The following LIME1 variants were observed in gnomAD, a reference collection of about 807,000 sequenced individuals.
LIME1 encodes lck-interacting transmembrane adapter 1.
A neutral mutation model predicts 18.8 loss-of-function variants in LIME1; 23 were observed. That is an observed-to-expected ratio of 1.22 (90% confidence interval 0.88 to 1.73). The LOEUF (loss-of-function observed/expected upper bound fraction) is 1.73. Ranked by LOEUF, LIME1 falls within the 40% of genes most tolerant of loss-of-function variation. The pLI is 0.00. For missense variants in LIME1, 423 were observed against 396.8 expected (o/e 1.07, Z -0.56); for synonymous variants, 177 against 182.3 (o/e 0.97, Z 0.23).
rs781401062 is a variant in LIME1 at position 63,737,891 on chromosome 20, G to A, written c.169G>A (p.Ala57Thr). 14 of 1,580,330 alleles carry A rather than the reference G, an allele frequency of 8.9e-6. No individual in the cohort carries two copies. Among genetic ancestry groups the A allele is most frequent in the Middle Eastern group, 1.8e-4 (1 of 5,482 alleles). Reference protein sequence around the residue: ...QRARLQGSATAAEASLLRRTH... With the variant: ...QRARLQGSATTAEASLLRRTH... ...GGCGAGGCTGCAGGGCAGTGCGACG[G>A]CGGCGGAAGCGGTGAGTGCCAGGCT... Residue 57 changes from alanine (A) to threonine (T), a missense_variant, in exon 3 of 6, where the codon GCG becomes ACG. Transcript: ENST00000309546.
At chr20:63,737,727 A>T in intron 2 of LIME1, 80 bp downstream of exon 2, 1 of 1,428,574 alleles carries the variant, frequency 7.0e-7, no homozygotes, top group Non-Finnish European at 9.2e-7. Flanking sequence ...GGCTGGAGGC[A>T]GGTCCGCGCA....
In LIME1 at chr20:63,737,811, T is replaced by G; in HGVS notation, c.99-10T>G. 2 of 1,007,368 alleles carry G rather than the reference T, an allele frequency of 2.0e-6. No individual in the cohort carries two copies. The highest frequency in any genetic ancestry group is 2.8e-6 in the Non-Finnish European group (2 of 726,732). The allele number at this position is 1,007,368 out of a possible 1,614,324, so 62.4% of individuals were successfully genotyped here. A position where few individuals can be genotyped will look rare whatever the true frequency, so the allele number is the denominator to read the frequency against. ...GACCCCGCCCCCCGCCCCCCACCTC[T>G]ACCCCCAAGGCCCGAGGACGCTGTA... On this transcript the variant is annotated splice_polypyrimidine_tract_variant and intron_variant, in intron 2 of 5. Coordinates refer to ENST00000309546, the MANE Select transcript of LIME1 (RefSeq NM_017806.4).
upstream of LIME1, chr20:63,736,022 T>C (rs552344301): frequency 1.3e-6 from 2 of 1,490,228 alleles, no homozygotes; most frequent in East Asian, 4.7e-5. Context: ...GCCTGGGGCG[T>C]GCAGACACTG....
Position 63,736,726 on chromosome 20 carries a change from T to C in LIME1, c.-18+14T>C, listed in dbSNP as rs1241023198. ...GCCGTGGGCTTGGTAAGTGCCCTCCTGGGGGGCAGCTGGGGTCTGGGAGGC... is the reference window on the plus strand; with the variant it reads ...GCCGTGGGCTTGGTAAGTGCCCTCCCGGGGGGCAGCTGGGGTCTGGGAGGC... On this transcript the variant is annotated intron_variant, in intron 1 of 5. Coordinates refer to ENST00000309546, the MANE Select transcript of LIME1 (RefSeq NM_017806.4). 1.0e-6 allele frequency: 1 copy of C among 985,616 alleles called. No homozygotes were observed. The highest frequency in any genetic ancestry group is 1.2e-6 in the Non-Finnish European group (1 of 830,164). The allele number at this position is 985,616 out of a possible 1,614,324, so 61.1% of individuals were successfully genotyped here. A position where few individuals can be genotyped will look rare whatever the true frequency, so the allele number is the denominator to read the frequency against.
upstream of LIME1, chr20:63,736,051 GCGGGGTCCCAT>G (rs2091987340): frequency 7.5e-7 from 1 of 1,337,046 alleles, no homozygotes; most frequent in Non-Finnish European, 1.0e-6. Flanking sequence ...AGACAGAGCT[GCGGGGTCCCAT>G]CTGGACACTT....
At chr20:63,736,218 G>A (rs1455183428), upstream of LIME1, 11 of 375,988 alleles carry the variant, frequency 2.9e-5, no homozygotes, top group Admixed American at 4.5e-4. Context: ...GAGACGGGCT[G>A]GGCTGGAGGG....
rs202164095 is a variant in LIME1 at position 63,738,171 on chromosome 20, C to G, written c.269-12C>G. 5.2e-4 allele frequency: 804 copies of G among 1,555,566 alleles called. 2 individuals carry two copies. The highest frequency in any genetic ancestry group is 1.3e-4 in the Non-Finnish European group (152 of 1,155,668). On this transcript the variant is annotated splice_polypyrimidine_tract_variant and intron_variant, in intron 4 of 5. Coordinates refer to ENST00000309546, the MANE Select transcript of LIME1 (RefSeq NM_017806.4). ...CTGCCCGGAGTGAACTCTGCCCTGA[C>G]CCCACCCCCAGCCCTGCGGCCTGCC... is the stretch of plus-strand genomic sequence containing the variant.
upstream of LIME1, chr20:63,735,947 G>T: frequency 6.3e-7 from 1 of 1,595,356 alleles, no homozygotes; most frequent in Non-Finnish European, 8.6e-7. Context: ...TGGACGAAGC[G>T]TGGGACCCCA....
Position 63,738,363 on chromosome 20 carries a change from T to C in LIME1, c.449T>C (p.Leu150Pro). Residue 150 changes from leucine (L) to proline (P), a missense_variant, in exon 5 of 6, where the codon CTG becomes CCG. Leu to Pro is a moderately conservative substitution (Grantham distance 98). Coordinates refer to ENST00000309546, the MANE Select transcript of LIME1 (RefSeq NM_017806.4). Reference protein sequence around the residue: ...GLEATYSNVGLAALPGVSLAA... With the variant: ...GLEATYSNVGPAALPGVSLAA... ...GAGGCCACCTATTCCAACGTGGGGCTGGCGGCCCTTCCCGGGGTCAGCCTG... is the reference window on the plus strand; with the variant it reads ...GAGGCCACCTATTCCAACGTGGGGCCGGCGGCCCTTCCCGGGGTCAGCCTG... The C allele has an allele frequency of 6.4e-7, 1 of 1,555,882 alleles. No homozygotes were observed.
In LIME1 at chr20:63,737,721, G is replaced by C. The variant is rs1229663823; in HGVS notation, c.98+74G>C. 5.5e-6 allele frequency: 8 copies of C among 1,447,480 alleles called. No individual in the cohort carries two copies. In the Admixed American group the frequency reaches 1.0e-4, roughly 19 times the overall value. The allele number at this position is 1,447,480 out of a possible 1,614,324, so 89.7% of individuals were successfully genotyped here. A position where few individuals can be genotyped will look rare whatever the true frequency, so the allele number is the denominator to read the frequency against. On this transcript the variant is annotated intron_variant, in intron 2 of 5. Transcript: ENST00000309546. ...TCACAGCCCAGCGCGGGAAGGGGCT[G>C]GAGGCAGGTCCGCGCACCCAGCTCG...
upstream of LIME1, chr20:63,736,099 C>A: frequency 1.2e-6 from 1 of 841,484 alleles, no homozygotes; most frequent in Non-Finnish European, 1.8e-6. Context: ...GTGTCTTGGG[C>A]ATTTCCTTGG....
intron 1 of LIME1, chr20:63,737,295 C>T (rs2092001658): frequency 4.0e-6 from 5 of 1,256,444 alleles, no homozygotes; most frequent in Non-Finnish European, 5.0e-6. Flanking sequence ...CGTGGTCACC[C>T]GCAGGGACAC....
chr20:63,738,443 C>T lies in LIME1; in HGVS notation c.529C>T (p.His177Tyr), dbSNP rs2092020858. 6.5e-7 allele frequency: 1 copy of T among 1,534,996 alleles called. No homozygotes were observed. The highest frequency in any genetic ancestry group is 1.4e-5 in the African/African-American group (1 of 72,716). The change falls in exon 5 of 6, where the codon CAT becomes TAT. Residue 177 changes from histidine (H) to tyrosine (Y), a missense_variant. Coordinates refer to ENST00000309546, the MANE Select transcript of LIME1 (RefSeq NM_017806.4). ...YARVQKRKGT[H>Y]RSPQEPQQGK... ...CCGCGTCCAGAAGCGCAAAGGGACCCATCGCAGTCCCCAAGAGCCACAGCA... is the reference window on the plus strand; with the variant it reads ...CCGCGTCCAGAAGCGCAAAGGGACCTATCGCAGTCCCCAAGAGCCACAGCA...
Position 63,739,016 on chromosome 20 carries a change from G to A in LIME1, c.*116G>A. The A allele has an allele frequency of 3.0e-6, 3 of 988,842 alleles. No individual in the cohort carries two copies. Among genetic ancestry groups the A allele is most frequent in the Non-Finnish European group, 4.3e-6 (3 of 689,916 alleles). The allele number at this position is 988,842 out of a possible 1,614,324, so 61.3% of individuals were successfully genotyped here. A position where few individuals can be genotyped will look rare whatever the true frequency, so the allele number is the denominator to read the frequency against. ...CGGGCTGCCAGCCCGTGAGGTCCGTGAGGTCCTGGCCGCTCTGACAGCCGC... is the reference window on the plus strand; with the variant it reads ...CGGGCTGCCAGCCCGTGAGGTCCGTAAGGTCCTGGCCGCTCTGACAGCCGC... On this transcript the variant is annotated 3_prime_UTR_variant, in exon 6 of 6. Transcript: ENST00000309546.
rs376448723 is a variant in LIME1 at position 63,737,658 on chromosome 20, C to G, written c.98+11C>G. ...CACAGCCTGCCGCAGGTAGGTCCCT[C>G]AGCCGCGTTCTGTCTGGGGCCTCGC... On this transcript the variant is annotated intron_variant, in intron 2 of 5. Coordinates refer to ENST00000309546, the MANE Select transcript of LIME1 (RefSeq NM_017806.4). The G allele has an allele frequency of 2.6e-4, 400 of 1,567,168 alleles. No homozygotes were observed. In the African/African-American group the frequency reaches 5.0e-3, roughly 19 times the overall value.
Position 63,739,089 on chromosome 20 carries a change from C to T in LIME1, c.*189C>T. ...GGCCCGCGTCTAAATAAAGCGCCAG[C>T]GCAGGATGAAAGCGGCCAGCCTCGC... On this transcript the variant is annotated 3_prime_UTR_variant, in exon 6 of 6. Transcript: ENST00000309546. The T allele has an allele frequency of 1.8e-6, 1 of 545,802 alleles. No homozygotes were observed. 33.8% of individuals were successfully genotyped at this position (545,802 alleles called of 1,614,324 possible).
chr20:63,736,446 C>A, upstream of LIME1: 1 of 232,292 alleles, frequency 4.3e-6, no homozygotes, highest in Non-Finnish European at 7.3e-6. Flanking sequence ...TGTGCCAGCT[C>A]TGCTCACGTC....
Position 63,738,897 on chromosome 20 carries a change from C to T in LIME1, c.885C>T (p.Pro295=). The part of the protein sequence containing the change: ...RGWRPLPASL[P] ...GGAGACCCCTCCCTGCCTCCCTGCC[C>T]TGAACACTCAAGGACCTGTGCTCCT... The change falls in exon 6 of 6, where the codon CCC becomes CCT. Residue 295 remains proline, a synonymous_variant. Coordinates refer to ENST00000309546, the MANE Select transcript of LIME1 (RefSeq NM_017806.4). 1 of 1,594,052 alleles carries T rather than the reference C, an allele frequency of 6.3e-7. No homozygotes were observed. The highest frequency in any genetic ancestry group is 1.1e-5 in the South Asian group (1 of 89,018).
chr20:63,735,747 A>G (rs2091982503), upstream of LIME1: 1 of 1,567,494 alleles, frequency 6.4e-7, no homozygotes, highest in South Asian at 1.2e-5. Flanking sequence ...GGCATGGCCC[A>G]GGACCCCACG....
Sources: gnomAD v4.1 joint callset for allele counts on GRCh38, gnomAD v4.1.1 for gene constraint, MANE v1.5 for transcripts, NCBI Gene and HGNC (gene_info 2026-07-23, HGNC 2026-07-21) for gene names.